Variants in RANBP2 observed in about 807,000 individuals in gnomAD.
RANBP2 encodes the protein E3 SUMO-protein ligase RanBP2.
A neutral mutation model predicts 303.6 loss-of-function variants in RANBP2; 57 were observed. The observed-to-expected ratio is 0.19, with a 90% CI of 0.15 to 0.23. The LOEUF is 0.23. Ranked by LOEUF, RANBP2 falls within the 10% of genes least tolerant of loss-of-function variation. The probability of loss-of-function intolerance (pLI) is 1.00; values close to 1 mark genes in which losing one functional copy is unlikely to be tolerated. For missense variants in RANBP2, 3,138 were observed against 3,780.8 expected, an observed-to-expected ratio of 0.83 and a Z score of 4.46; for synonymous variants, 1,167 against 1,301.5, an observed-to-expected ratio of 0.90 and a Z score of 2.23.
At chr2:108,789,127 T>C (rs184106454), downstream of RANBP2, among the ~76,000 whole-genome samples, 8 of 152,374 alleles carry the variant, frequency 5.3e-5, no homozygotes, top group Admixed American at 3.3e-4. Context: ...GAGTCACTTA[T>C]TAATTTTTAC....
the RANBP2 span, among the ~76,000 whole-genome samples, chr2:109,210,960 G>C: frequency 5.9e-5 from 9 of 152,340 alleles, no homozygotes; most frequent in African/African-American, 2.2e-4. Flanking sequence ...AGTGGGCTGG[G>C]TTTGGGGATG....
At chr2:108,864,468 G>A in the RANBP2 span, among the ~76,000 whole-genome samples, 4 of 152,062 alleles carry the variant, frequency 2.6e-5, no homozygotes, top group Non-Finnish European at 5.9e-5. Context: ...TTTGAGACCA[G>A]CCTGGGCAAC....
chr2:108,783,333 T>TAAAAAA (rs71381992), intron 28 of RANBP2, among the ~76,000 whole-genome samples: 18 of 41,394 alleles, frequency 4.3e-4, no homozygotes, highest in African/African-American at 6.5e-4. Flanking sequence ...AGCCTGTCAT[T>TAAAAAA]AAAAAAAAAA....
chr2:108,861,290 C>T, the RANBP2 span, among the ~76,000 whole-genome samples: 7 of 151,548 alleles, frequency 4.6e-5, no homozygotes, highest in South Asian at 2.1e-4. Context: ...TTTTTCATTT[C>T]GTCGATCCTT....
At chr2:108,747,863 A>G (rs948006438) in intron 8 of RANBP2, among the ~76,000 whole-genome samples, 1 of 152,190 alleles carries the variant, frequency 6.6e-6, no homozygotes, top group African/African-American at 2.4e-5. Context: ...GGCTTTTAGT[A>G]TGTTCATAGA....
At chr2:108,889,144 A>G in the RANBP2 span, among the ~76,000 whole-genome samples, 2 of 152,020 alleles carry the variant, frequency 1.3e-5, no homozygotes, top group South Asian at 2.1e-4. Context: ...AGTTTTATCC[A>G]TTGTGGTCTG....
At position 108,754,101 on chromosome 2, in the gene RANBP2, T is replaced by A; in HGVS notation, c.2202+130T>A. On this transcript the variant is annotated intron_variant, in intron 15 of 28. Coordinates refer to ENST00000283195, the MANE Select transcript of RANBP2 (RefSeq NM_006267.5). Reference sequence around the variant, plus strand: ...TTGTTATTAATGCACAGAAGGGATATGTGTGTCTAAATGCTTATATTTGCT... The same window carrying A: ...TTGTTATTAATGCACAGAAGGGATAAGTGTGTCTAAATGCTTATATTTGCT... 3 of 1,598,728 alleles carry A rather than the reference T, an allele frequency of 1.9e-6. No homozygotes were observed. The South Asian group carries it at 3.3e-5, about 18-fold the overall frequency.
the RANBP2 span, among the ~76,000 whole-genome samples, chr2:109,349,503 T>TC: frequency 6.6e-6 from 1 of 151,988 alleles, no homozygotes; most frequent in Non-Finnish European, 1.5e-5. Context: ...AGTGGACTCT[T>TC]CCCCCTAAGA....
the RANBP2 span, among the ~76,000 whole-genome samples, chr2:109,227,540 GC>G: frequency 6.6e-6 from 1 of 152,178 alleles, no homozygotes; most frequent in Non-Finnish European, 1.5e-5. Flanking sequence ...GTCTGCCTGG[GC>G]CCTGCCCTTC....
At chr2:109,594,378 C>T in the RANBP2 span, among the ~76,000 whole-genome samples, 1 of 152,174 alleles carries the variant, frequency 6.6e-6, no homozygotes, top group South Asian at 2.1e-4. Context: ...GCACCAGACC[C>T]TTACGCATCC....
At chr2:108,984,647 C>G in the RANBP2 span, among the ~76,000 whole-genome samples, 2 of 152,160 alleles carry the variant, frequency 1.3e-5, no homozygotes, top group African/African-American at 4.8e-5. Context: ...GCCCCCACTA[C>G]TACCCTGGGC....
the RANBP2 span, chr2:108,910,881 G>C: frequency 6.2e-7 from 1 of 1,614,050 alleles, no homozygotes; most frequent in Non-Finnish European, 8.5e-7. Context: ...GAGCAGCCAG[G>C]CTCTCCGACA....
chr2:109,092,842 T>C, the RANBP2 span, among the ~76,000 whole-genome samples: 4 of 152,224 alleles, frequency 2.6e-5, no homozygotes, highest in Admixed American at 2.6e-4. Context: ...TACTTTGTGC[T>C]AAGAATTTGT....
the RANBP2 span, among the ~76,000 whole-genome samples, chr2:109,567,412 A>G: frequency 6.6e-6 from 1 of 152,236 alleles, no homozygotes; most frequent in African/African-American, 2.4e-5. Context: ...GAAGGAGCAT[A>G]AATACTAGTT....
At chr2:109,573,562 A>C in the RANBP2 span, among the ~76,000 whole-genome samples, 20,398 of 152,124 alleles carry the variant, frequency 0.13, 1,841 homozygotes, top group African/African-American at 0.26. Flanking sequence ...GATGTGCCAA[A>C]GCTTCACTAG....
downstream of RANBP2, among the ~76,000 whole-genome samples, chr2:108,786,581 G>GA (rs1678758442): frequency 3.3e-5 from 5 of 152,230 alleles, no homozygotes; most frequent in South Asian, 1.0e-3. Context: ...GCCGGGGCAG[G>GA]ACTATCGCGG....
At chr2:109,245,174 C>A in the RANBP2 span, among the ~76,000 whole-genome samples, 1 of 152,168 alleles carries the variant, frequency 6.6e-6, no homozygotes, top group African/African-American at 2.4e-5. Context: ...TGGGTTCTTG[C>A]CATGTGGCTT....
chr2:109,104,108 T>A, the RANBP2 span, among the ~76,000 whole-genome samples: 12 of 152,144 alleles, frequency 7.9e-5, no homozygotes, highest in Non-Finnish European at 1.3e-4. Flanking sequence ...TCTTTACAGA[T>A]GAAAATTTTT....
the RANBP2 span, among the ~76,000 whole-genome samples, chr2:108,807,992 C>T: frequency 1.3e-4 from 20 of 152,294 alleles, no homozygotes; most frequent in South Asian, 3.3e-3. Flanking sequence ...CCTCTAGTAA[C>T]CAATATTATA....
Sources: allele counts gnomAD v4.1 joint callset (sites outside exome capture counted in the v4.1 genomes callset), GRCh38; gene constraint gnomAD v4.1.1; transcripts MANE v1.5; gene names NCBI Gene and HGNC (gene_info 2026-07-23, HGNC 2026-07-21).